Variants in ZNF804B observed in about 807,000 individuals in gnomAD.
The protein encoded by ZNF804B is zinc finger 804B.
Under a neutral mutation model 101.4 loss-of-function variants are expected in ZNF804B, and 80 were observed. The ratio of observed to expected loss-of-function variants is 0.79; its 90% CI spans 0.66 to 0.95. The LOEUF (loss-of-function observed/expected upper bound fraction) is 0.95, where lower values mean the gene tolerates loss of function less well. Ranked by LOEUF, ZNF804B falls within the 40% of genes least tolerant of loss-of-function variation. ZNF804B has a pLI of 0.00. For missense variants in ZNF804B, 1,673 were observed against 1,561.9 expected (o/e 1.07, Z -1.20); for synonymous variants, 622 against 558.8 (o/e 1.11, Z -1.59).
intron 1 of ZNF804B, among the ~76,000 whole-genome samples, chr7:88,829,028 T>C (rs191330223): frequency 4.3e-4 from 65 of 152,284 alleles, no homozygotes; most frequent in African/African-American, 1.5e-3. Flanking sequence ...GTAATTACTT[T>C]GTTGGGGCTT....
At chr7:88,894,676 A>G (rs1360478879) in intron 1 of ZNF804B, among the ~76,000 whole-genome samples, 2 of 152,202 alleles carry the variant, frequency 1.3e-5, no homozygotes, top group Middle Eastern at 3.2e-3. Context: ...ATTCAATGAT[A>G]AAAAGAAATG....
chr7:88,931,392 G>A (rs2189750), intron 1 of ZNF804B, among the ~76,000 whole-genome samples: 2 of 151,762 alleles, frequency 1.3e-5, no homozygotes, highest in Non-Finnish European at 2.9e-5. Context: ...AATTCATGAA[G>A]GTCAGTTTAA....
chr7:89,320,109 G>A (rs1240010830), intron 2 of ZNF804B, among the ~76,000 whole-genome samples: 14 of 152,030 alleles, frequency 9.2e-5, no homozygotes, highest in African/African-American at 3.4e-4. Context: ...GTGATGGGTT[G>A]ATGGGTGCAG....
intron 1 of ZNF804B, among the ~76,000 whole-genome samples, chr7:88,994,863 C>T (rs1014241809): frequency 1.3e-5 from 2 of 152,010 alleles, no homozygotes; most frequent in Admixed American, 1.3e-4. Context: ...TCATCAATTT[C>T]CTCTGGATTC....
At chr7:88,941,505 A>G (rs1793053468) in intron 1 of ZNF804B, among the ~76,000 whole-genome samples, 1 of 152,048 alleles carries the variant, frequency 6.6e-6, no homozygotes, top group South Asian at 2.1e-4. Context: ...AAAGAAGCCA[A>G]TTTGAAAAGA....
chr7:89,083,781 C>G (rs566900795), intron 1 of ZNF804B, among the ~76,000 whole-genome samples: 4 of 151,620 alleles, frequency 2.6e-5, no homozygotes, highest in African/African-American at 9.7e-5. Context: ...AAGTTTATAC[C>G]TGAAAAAGAG....
At chr7:89,102,385 A>T (rs1253354163) in intron 1 of ZNF804B, among the ~76,000 whole-genome samples, 1 of 151,826 alleles carries the variant, frequency 6.6e-6, no homozygotes, top group Non-Finnish European at 1.5e-5. Flanking sequence ...AAAAACCATT[A>T]TGAGTGGTAT....
intron 1 of ZNF804B, among the ~76,000 whole-genome samples, chr7:89,141,289 G>A (rs1790711744): frequency 6.6e-6 from 1 of 152,166 alleles, no homozygotes; most frequent in Non-Finnish European, 1.5e-5. Flanking sequence ...AGAGAAGTGA[G>A]CGCATGCTTT....
In ZNF804B at chr7:89,218,292, G is replaced by A. The variant is rs751801508; in HGVS notation, c.246G>A (p.Lys82=). ...NHINSYDHAH[K]QRLKELKQRE... is the part of the protein sequence containing the mutation. ...TTAATTCTTATGACCATGCTCATAA[G>A]CAGGTAAGGCAAAGTGGGAAAAGTC... is the stretch of plus-strand genomic sequence containing the variant. Residue 82 remains lysine, a synonymous_variant, in exon 2 of 4, where the codon AAG becomes AAA. Coordinates refer to ENST00000333190, the MANE Select transcript of ZNF804B (RefSeq NM_181646.5). The A allele has an allele frequency of 6.2e-6, 10 of 1,613,412 alleles. No individual in the cohort carries two copies. Among genetic ancestry groups the A allele is most frequent in the Non-Finnish European group, 7.6e-6 (9 of 1,179,666 alleles).
intron 1 of ZNF804B, among the ~76,000 whole-genome samples, chr7:88,957,056 G>C (rs548824187): frequency 6.6e-6 from 1 of 151,546 alleles, no homozygotes; most frequent in South Asian, 2.1e-4. Context: ...CTGAATGAAA[G>C]CTCAATGATT....
intron 1 of ZNF804B, among the ~76,000 whole-genome samples, chr7:88,811,054 T>TAA (rs536084876): frequency 7.0e-6 from 1 of 143,324 alleles, no homozygotes; most frequent in African/African-American, 2.5e-5. Flanking sequence ...ATCTCAGAAT[T>TAA]AAAAAAAAAA....
At chr7:89,042,128 C>T (rs527301136) in intron 1 of ZNF804B, among the ~76,000 whole-genome samples, 2 of 152,124 alleles carry the variant, frequency 1.3e-5, no homozygotes, top group Non-Finnish European at 2.9e-5. Context: ...TAGATTCTAG[C>T]TCTGGAACCA....
chr7:89,244,946 A>T (rs924749390), intron 2 of ZNF804B, among the ~76,000 whole-genome samples: 3 of 152,164 alleles, frequency 2.0e-5, no homozygotes, highest in African/African-American at 7.2e-5. Context: ...GGCAACTTAC[A>T]CTGGCAAGAG....
intron 1 of ZNF804B, among the ~76,000 whole-genome samples, chr7:88,875,007 A>T (rs533665237): frequency 7.8e-6 from 1 of 128,862 alleles, no homozygotes; most frequent in Admixed American, 8.2e-5. Flanking sequence ...TAAGAATCTC[A>T]CTCAAAACCG....
At chr7:89,316,424 T>C (rs1193521110) in intron 2 of ZNF804B, among the ~76,000 whole-genome samples, 1 of 152,102 alleles carries the variant, frequency 6.6e-6, no homozygotes, top group African/African-American at 2.4e-5. Flanking sequence ...CATAATATGA[T>C]AATATCATAA....
intron 1 of ZNF804B, among the ~76,000 whole-genome samples, chr7:88,803,497 A>G (rs547599338): frequency 6.6e-6 from 1 of 152,310 alleles, no homozygotes; most frequent in South Asian, 2.1e-4. Context: ...GAACTAAAGC[A>G]GTTGCTAAGA....
At chr7:88,857,822 CTTTTTTTTTTT>C (rs55841922) in intron 1 of ZNF804B, among the ~76,000 whole-genome samples, 19 of 81,472 alleles carry the variant, frequency 2.3e-4, no homozygotes, top group Middle Eastern at 0.013. Context: ...CCTTTCTTTT[CTTTTTTTTTTT>C]TTTTTTTTTT....
chr7:89,281,666 T>C (rs1447959849), intron 2 of ZNF804B, among the ~76,000 whole-genome samples: 1 of 152,132 alleles, frequency 6.6e-6, no homozygotes, highest in Non-Finnish European at 1.5e-5. Context: ...AGAATCAAAA[T>C]GAAATAAATA....
chr7:89,084,071 C>T (rs1473948841), intron 1 of ZNF804B, among the ~76,000 whole-genome samples: 1 of 151,908 alleles, frequency 6.6e-6, no homozygotes, highest in African/African-American at 2.4e-5. Flanking sequence ...GATGAGCTGT[C>T]AAGCTATCTA....
Sources: gnomAD v4.1 joint callset for allele counts (sites outside exome capture counted in the v4.1 genomes callset) on GRCh38, gnomAD v4.1.1 for gene constraint, MANE v1.5 for transcripts, NCBI Gene and HGNC (gene_info 2026-07-23, HGNC 2026-07-21) for gene names.